COL19A1: variants seen among roughly 807,000 people sequenced by gnomAD.
The protein encoded by COL19A1 is collagen alpha-1(XIX) chain.
Under a neutral mutation model 190.2 loss-of-function variants are expected in COL19A1, and 159 were observed. The ratio of observed to expected loss-of-function variants is 0.84; its 90% CI spans 0.73 to 0.95. The LOEUF is 0.95. COL19A1 is among the 40% of genes least tolerant of loss of function. The pLI, the probability that COL19A1 is intolerant of heterozygous loss-of-function variation, is 0.00. For synonymous variants in COL19A1, 509 were observed against 458.9 expected (o/e 1.11, Z -1.39); for missense variants, 1,418 against 1,431.9 (o/e 0.99, Z 0.16).
At chr6:70,099,238 A>C (rs1403821880) in intron 15 of COL19A1, among the ~76,000 whole-genome samples, 3 of 151,936 alleles carry the variant, frequency 2.0e-5, no homozygotes, top group Non-Finnish European at 4.4e-5. Context: ...CCTAAGGTGA[A>C]TCTTGTTTCT....
chr6:70,058,366 T>G (rs1479334679), intron 14 of COL19A1, among the ~76,000 whole-genome samples: 1 of 152,028 alleles, frequency 6.6e-6, no homozygotes, highest in Non-Finnish European at 1.5e-5. Context: ...GTTCACCCAG[T>G]TAGGGAACTG....
intron 25 of COL19A1, among the ~76,000 whole-genome samples, chr6:70,145,762 C>A (rs556979780): frequency 7.4e-6 from 1 of 135,488 alleles, no homozygotes; most frequent in Non-Finnish European, 1.5e-5. Context: ...AATCTGTCAC[C>A]CAGGCTAGAG....
At chr6:69,938,933 A>G (rs968304586) in intron 9 of COL19A1, among the ~76,000 whole-genome samples, 1 of 152,120 alleles carries the variant, frequency 6.6e-6, no homozygotes, top group Non-Finnish European at 1.5e-5. Flanking sequence ...AATAGATTTT[A>G]ATTCCTTTCC....
chr6:70,180,547 A>G (rs539003434), intron 44 of COL19A1, 24 bp downstream of exon 44: 3 of 1,610,418 alleles, frequency 1.9e-6, no homozygotes, highest in South Asian at 2.2e-5. Context: ...ACTACTTAAA[A>G]TATGCCACCT....
intron 9 of COL19A1, among the ~76,000 whole-genome samples, chr6:69,952,439 AT>A (rs1774180159): frequency 6.6e-6 from 1 of 151,888 alleles, no homozygotes; most frequent in Non-Finnish European, 1.5e-5. Flanking sequence ...TATATAATTT[AT>A]TTATCAAAAA....
rs144002885 is a variant in COL19A1 at position 70,096,871 on chromosome 6, C to T, written c.1225-5298C>T. Among the ~76,000 whole-genome samples, 418 of 152,240 alleles carry T rather than the reference C, an allele frequency of 2.7e-3. 2 individuals are homozygous for T. The highest frequency in any genetic ancestry group is 9.5e-3 in the African/African-American group (393 of 41,540). ...CACCCCAGACCTACTGAATCCAGAA[C>T]TCTGAACAGCCAAGCAGGTGGCACA... On this transcript the variant is annotated intron_variant, in intron 15 of 50. Coordinates refer to ENST00000620364, the MANE Select transcript of COL19A1 (RefSeq NM_001858.6).
At chr6:69,932,075 T>C (rs1467291588) in intron 6 of COL19A1, among the ~76,000 whole-genome samples, 2 of 152,112 alleles carry the variant, frequency 1.3e-5, no homozygotes, top group Non-Finnish European at 2.9e-5. Flanking sequence ...CAATAATCAG[T>C]ACTATTTACT....
Position 69,886,951 on chromosome 6 carries a change from AT to A in COL19A1, c.91+7301del, listed in dbSNP as rs567415820. 3.3e-5 allele frequency among the ~76,000 whole-genome samples: 5 copies of A among 151,936 alleles called. No homozygotes were observed. In the South Asian group the frequency reaches 8.3e-4, roughly 25 times the overall value. Reference sequence around the variant, plus strand: ...ACCTAAATAATTAACATTTAGTTTTATTTTTTTTCAGCTTTTCACCACAAAG... The same window carrying A: ...ACCTAAATAATTAACATTTAGTTTTATTTTTTTCAGCTTTTCACCACAAAG... On this transcript the variant is annotated intron_variant, in intron 2 of 50. Coordinates refer to ENST00000620364, the MANE Select transcript of COL19A1 (RefSeq NM_001858.6).
chr6:70,073,648 T>C (rs75154225), intron 15 of COL19A1, among the ~76,000 whole-genome samples: 1,987 of 152,316 alleles, frequency 0.013, 45 homozygotes, highest in African/African-American at 0.046. Flanking sequence ...CCATGCCCAT[T>C]TTCTAATGCC....
intron 48 of COL19A1, among the ~76,000 whole-genome samples, chr6:70,198,088 G>T (rs768203414): frequency 6.6e-6 from 1 of 152,124 alleles, no homozygotes; most frequent in Non-Finnish European, 1.5e-5. Flanking sequence ...ATCTGTTTAA[G>T]TATGCCTTTG....
chr6:69,929,574 C>T lies in COL19A1; in HGVS notation c.540C>T (p.Ser180=), dbSNP rs776936776. 2 of 1,613,784 alleles carry T rather than the reference C, an allele frequency of 1.2e-6. No homozygotes were observed. Among genetic ancestry groups the T allele is most frequent in the East Asian group, 2.2e-5 (1 of 44,888 alleles). ...QWHKLGISIQ[S]QVISLYMDCN... ...ACAAACTTGGCATTAGTATACAATCCCAGGTCATTTCACTTTATATGGATT... is the reference window on the plus strand; with the variant it reads ...ACAAACTTGGCATTAGTATACAATCTCAGGTCATTTCACTTTATATGGATT... The change falls in exon 6 of 51, where the codon TCC becomes TCT. Residue 180 remains serine, a synonymous_variant. Coordinates refer to ENST00000620364, the MANE Select transcript of COL19A1 (RefSeq NM_001858.6).
chr6:70,064,233 G>A (rs145145088), intron 14 of COL19A1, among the ~76,000 whole-genome samples: 8,685 of 152,106 alleles, frequency 0.057, 830 homozygotes, highest in African/African-American at 0.2. Flanking sequence ...CCTCAATAAA[G>A]TACTGGAAAA....
chr6:69,936,217 A>G (rs1235429017), intron 7 of COL19A1, among the ~76,000 whole-genome samples: 1 of 152,166 alleles, frequency 6.6e-6, no homozygotes, highest in Non-Finnish European at 1.5e-5. Flanking sequence ...GGATAAGTAT[A>G]AAATGCACTA....
At chr6:70,021,186 G>A (rs761876088) in intron 11 of COL19A1, among the ~76,000 whole-genome samples, 13 of 152,110 alleles carry the variant, frequency 8.5e-5, no homozygotes, top group South Asian at 2.1e-4. Flanking sequence ...AATCCATTGC[G>A]GAGTTTTGCT....
intron 4 of COL19A1, among the ~76,000 whole-genome samples, chr6:69,901,629 C>T (rs1012708890): frequency 6.6e-6 from 1 of 152,096 alleles, no homozygotes; most frequent in Non-Finnish European, 1.5e-5. Flanking sequence ...CTTAGGTATG[C>T]ATAAGCCATA....
intron 14 of COL19A1, among the ~76,000 whole-genome samples, chr6:70,042,141 T>C (rs1388644369): frequency 6.6e-6 from 1 of 151,824 alleles, no homozygotes; most frequent in Non-Finnish European, 1.5e-5. Context: ...AGAGATGGGG[T>C]GGAAATGTAA....
intron 9 of COL19A1, among the ~76,000 whole-genome samples, chr6:69,954,894 G>A (rs1220529465): frequency 6.6e-6 from 1 of 151,988 alleles, no homozygotes; most frequent in Non-Finnish European, 1.5e-5. Flanking sequence ...TACTCATCAC[G>A]AGGAATACTC....
At chr6:69,998,495 A>C (rs1263341395) in intron 11 of COL19A1, among the ~76,000 whole-genome samples, 1 of 151,838 alleles carries the variant, frequency 6.6e-6, no homozygotes, top group East Asian at 1.9e-4. Context: ...ATTTTAAAAA[A>C]ACTAACCGAG....
intron 36 of COL19A1, among the ~76,000 whole-genome samples, chr6:70,165,592 A>G (rs1765098290): frequency 2.0e-5 from 3 of 152,206 alleles, no homozygotes; most frequent in Admixed American, 2.0e-4. Context: ...CCCAGAGCCC[A>G]CTGCCTGCTT....
Sources: gnomAD v4.1 joint callset for allele counts (sites outside exome capture counted in the v4.1 genomes callset) on GRCh38, gnomAD v4.1.1 for gene constraint, MANE v1.5 for transcripts, NCBI Gene and HGNC (gene_info 2026-07-23, HGNC 2026-07-21) for gene names.